Variants in POFUT3 observed in about 807,000 individuals in gnomAD.
POFUT3 encodes the protein GDP-fucose protein O-fucosyltransferase 3.
chr8:33,318,972 T>A, the POFUT3 span, among the ~76,000 whole-genome samples: 1 of 42,492 alleles, frequency 2.4e-5, no homozygotes, highest in South Asian at 2.2e-3. Flanking sequence ...ATATTTTACA[T>A]ATATTTATAT....
chr8:33,345,261 G>C, the POFUT3 span, among the ~76,000 whole-genome samples: 1 of 152,048 alleles, frequency 6.6e-6, no homozygotes, highest in East Asian at 1.9e-4. Flanking sequence ...TGCTACTATA[G>C]GGTGATTCAG....
the POFUT3 span, among the ~76,000 whole-genome samples, chr8:33,457,704 T>C: frequency 1.4e-4 from 21 of 152,230 alleles, no homozygotes; most frequent in African/African-American, 5.1e-4. Context: ...TGCTATTATG[T>C]CCTGGATTTG....
chr8:33,460,170 C>T, the POFUT3 span, among the ~76,000 whole-genome samples: 6 of 145,936 alleles, frequency 4.1e-5, no homozygotes, highest in African/African-American at 1.3e-4. Context: ...GCCTGGGCAA[C>T]AGAGTGAGAC....
chr8:33,309,808 A>G, the POFUT3 span, among the ~76,000 whole-genome samples: 1 of 152,318 alleles, frequency 6.6e-6, no homozygotes, highest in South Asian at 2.1e-4. Flanking sequence ...CTGGCTGGAT[A>G]AAATGAATGA....
At chr8:33,352,889 A>G in the POFUT3 span, among the ~76,000 whole-genome samples, 1 of 152,224 alleles carries the variant, frequency 6.6e-6, no homozygotes, top group Non-Finnish European at 1.5e-5. Context: ...ACATCAAACA[A>G]TTAATGACCA....
At chr8:33,415,226 C>T in the POFUT3 span, among the ~76,000 whole-genome samples, 1 of 152,274 alleles carries the variant, frequency 6.6e-6, no homozygotes, top group South Asian at 2.1e-4. Context: ...CACGTCACTA[C>T]ACTCCAGCCT....
chr8:33,420,436 G>A, the POFUT3 span, among the ~76,000 whole-genome samples: 12 of 152,220 alleles, frequency 7.9e-5, no homozygotes, highest in East Asian at 1.2e-3. Context: ...AATTAAACAC[G>A]AATGAGAAGA....
the POFUT3 span, among the ~76,000 whole-genome samples, chr8:33,330,142 GA>G: frequency 8.5e-5 from 13 of 152,080 alleles, no homozygotes; most frequent in African/African-American, 3.1e-4. Context: ...GGTTGACAAA[GA>G]TAAATATAAA....
chr8:33,465,028 T>C, the POFUT3 span, among the ~76,000 whole-genome samples: 1 of 152,162 alleles, frequency 6.6e-6, no homozygotes, highest in South Asian at 2.1e-4. Context: ...TCCTGGTTCT[T>C]TTACTTAATA....
the POFUT3 span, among the ~76,000 whole-genome samples, chr8:33,446,686 T>TA: frequency 6.6e-6 from 1 of 152,180 alleles, no homozygotes; most frequent in Admixed American, 6.5e-5. Flanking sequence ...TCATCAGGAC[T>TA]AGGTACCCTG....
At chr8:33,466,042 T>C in the POFUT3 span, among the ~76,000 whole-genome samples, 1 of 152,154 alleles carries the variant, frequency 6.6e-6, no homozygotes. Context: ...TTTAAGATTA[T>C]GAATTCCCTT....
At chr8:33,349,142 G>A in the POFUT3 span, among the ~76,000 whole-genome samples, 7 of 152,298 alleles carry the variant, frequency 4.6e-5, no homozygotes, top group East Asian at 5.8e-4. Context: ...GGTCTTACCC[G>A]TTGTATTGGC....
the POFUT3 span, among the ~76,000 whole-genome samples, chr8:33,378,708 T>C: frequency 6.6e-6 from 1 of 152,060 alleles, no homozygotes; most frequent in Non-Finnish European, 1.5e-5. Flanking sequence ...AAGCTGAGGG[T>C]GGAGGAGAAA....
the POFUT3 span, among the ~76,000 whole-genome samples, chr8:33,382,036 C>T: frequency 6.6e-6 from 1 of 152,154 alleles, no homozygotes; most frequent in Non-Finnish European, 1.5e-5. Flanking sequence ...CTAACACACG[C>T]AATCCTAGCA....
the POFUT3 span, among the ~76,000 whole-genome samples, chr8:33,408,300 A>T: frequency 6.7e-6 from 1 of 149,020 alleles, no homozygotes; most frequent in Non-Finnish European, 1.5e-5. Flanking sequence ...CTCCAGAGAG[A>T]CTCTGTCTCT....
the POFUT3 span, among the ~76,000 whole-genome samples, chr8:33,471,186 T>C: frequency 6.6e-6 from 1 of 152,206 alleles, no homozygotes; most frequent in Non-Finnish European, 1.5e-5. Flanking sequence ...ATTGAATATC[T>C]ACCCGAAATC....
chr8:33,392,217 T>A, the POFUT3 span, among the ~76,000 whole-genome samples: 1 of 152,184 alleles, frequency 6.6e-6, no homozygotes, highest in African/African-American at 2.4e-5. Context: ...GCAATCACGC[T>A]AATATAGGTT....
the POFUT3 span, among the ~76,000 whole-genome samples, chr8:33,340,483 A>G: frequency 2.0e-5 from 3 of 152,118 alleles, no homozygotes; most frequent in Non-Finnish European, 4.4e-5. Flanking sequence ...ACTCCCAAAA[A>G]AAACCCAGCA....
the POFUT3 span, among the ~76,000 whole-genome samples, chr8:33,352,613 A>G: frequency 2.6e-5 from 4 of 152,318 alleles, 1 homozygote; most frequent in African/African-American, 9.6e-5. Flanking sequence ...AACAGATGGA[A>G]CCAGAGACAT....
Sources: allele counts gnomAD v4.1 joint callset (sites outside exome capture counted in the v4.1 genomes callset), GRCh38; gene constraint gnomAD v4.1.1; transcripts MANE v1.5; gene names NCBI Gene and HGNC (gene_info 2026-07-23, HGNC 2026-07-21).